Variants in ARID2 observed in about 807,000 individuals in gnomAD.
ARID2 encodes AT-rich interactive domain-containing protein 2.
ARID2 carries 32 observed loss-of-function variants against 184.6 expected under a neutral mutation model. The observed-to-expected ratio is 0.17, with a 90% CI of 0.13 to 0.23. The LOEUF is 0.23. Ranked by LOEUF, ARID2 falls within the 10% of genes least tolerant of loss-of-function variation. The probability of loss-of-function intolerance (pLI) is 1.00; values close to 1 mark genes in which losing one functional copy is unlikely to be tolerated. For missense variants in ARID2, 1,696 were observed against 2,197.6 expected, an observed-to-expected ratio of 0.77 and a Z score of 4.56; for synonymous variants, 836 against 772.6, an observed-to-expected ratio of 1.08 and a Z score of -1.36.
Position 45,850,884 on chromosome 12 carries a change from C to T in ARID2, c.2761C>T (p.Pro921Ser), listed in dbSNP as rs1272432698. Residue 921 changes from proline (P) to serine (S), a missense_variant, in exon 15 of 21, where the codon CCA (proline) becomes TCA (serine). Around this residue, in one of 11 missense-constraint regions of ARID2, gnomAD observed 713 missense variants for 824.4 expected, o/e 0.86. Coordinates refer to ENST00000334344, the MANE Select transcript of ARID2 (RefSeq NM_152641.4). ...VQQPIQQPQQ[P>S]TQQSVVIVSQ... is the part of the protein sequence containing the mutation. ...GCAGCCTATTCAACAACCACAGCAG[C>T]CAACCCAACAAAGCGTAGTGATTGT... 2 of 1,614,106 alleles carry T rather than the reference C, an allele frequency of 1.2e-6. No homozygotes were observed. Among genetic ancestry groups the T allele is most frequent in the Non-Finnish European group, 1.7e-6 (2 of 1,180,006 alleles).
At chr12:45,830,570 T>A (rs889490840) in intron 6 of ARID2, among the ~76,000 whole-genome samples, 4 of 152,084 alleles carry the variant, frequency 2.6e-5, no homozygotes, top group Non-Finnish European at 5.9e-5. Flanking sequence ...TGACCCAGGG[T>A]CCTATATTCT....
intron 16 of ARID2, among the ~76,000 whole-genome samples, chr12:45,876,573 A>G (rs1182568575): frequency 1.3e-5 from 2 of 151,884 alleles, no homozygotes; most frequent in Admixed American, 1.3e-4. Flanking sequence ...AAAAAGGAAA[A>G]AAAAAAAAAG....
intron 3 of ARID2, among the ~76,000 whole-genome samples, chr12:45,800,225 A>G (rs1028107488): frequency 5.3e-5 from 8 of 152,240 alleles, no homozygotes; most frequent in Non-Finnish European, 7.3e-5. Flanking sequence ...TTAAATAGAT[A>G]CAATAACGTG....
At chr12:45,765,355 C>T (rs781156169) in intron 3 of ARID2, among the ~76,000 whole-genome samples, 8 of 151,950 alleles carry the variant, frequency 5.3e-5, no homozygotes, top group Admixed American at 3.3e-4. Context: ...TGCAGGCACA[C>T]GCCACCAATC....
chr12:45,736,842 GGATCTCTA>G (rs1941135703), intron 3 of ARID2, among the ~76,000 whole-genome samples: 1 of 152,078 alleles, frequency 6.6e-6, no homozygotes, highest in Admixed American at 6.5e-5. Flanking sequence ...TGTGTATTGT[GGATCTCTA>G]GACATTTTGG....
intron 3 of ARID2, among the ~76,000 whole-genome samples, chr12:45,737,357 C>G (rs140147456): frequency 2.6e-5 from 4 of 151,884 alleles, no homozygotes; most frequent in African/African-American, 9.7e-5. Flanking sequence ...CCTCTCCCCC[C>G]GCCCTTTTTT....
Position 45,836,883 on chromosome 12 carries a change from C to G in ARID2, c.915C>G (p.Leu305=), listed in dbSNP as rs2138127685. 1 of 1,614,104 alleles carries G rather than the reference C, an allele frequency of 6.2e-7. No individual in the cohort carries two copies. The highest frequency in any genetic ancestry group is 8.5e-7 in the Non-Finnish European group (1 of 1,180,008). ...NLSFEEGNVK[L]LAANRTCLRF... is the part of the protein sequence containing the mutation. ...CCTTTGAGGAGGGCAATGTTAAGCT[C>G]TTGGCAGCTAATCGTACCTGTCTTC... Residue 305 remains leucine (L), a synonymous_variant, in exon 8 of 21, where the codon CTC becomes CTG. Coordinates refer to ENST00000334344, the MANE Select transcript of ARID2 (RefSeq NM_152641.4).
rs1256107093 is a variant in ARID2 at position 45,906,129 on chromosome 12, T to G, written c.*1051T>G. On this transcript the variant is annotated 3_prime_UTR_variant, in exon 21 of 21. Transcript: ENST00000334344. ...GTACAAGCTCAGAGCTTGGACAGAA[T>G]TTTTTGTATTTGTAAATTGGTTTAA... The G allele has an allele frequency of 4.3e-6, 1 of 232,626 alleles. No individual in the cohort carries two copies. Among genetic ancestry groups the G allele is most frequent in the East Asian group, 6.1e-5 (1 of 16,328 alleles). 14.4% of individuals were successfully genotyped at this position (232,626 alleles called of 1,614,324 possible).
At chr12:45,785,954 A>G (rs550337045) in intron 3 of ARID2, among the ~76,000 whole-genome samples, 1 of 152,324 alleles carries the variant, frequency 6.6e-6, no homozygotes, top group Admixed American at 6.5e-5. Context: ...ATTGTCTTCC[A>G]TGAAACCATT....
At chr12:45,895,695 G>A (rs116414851) in intron 20 of ARID2, among the ~76,000 whole-genome samples, 4,972 of 152,148 alleles carry the variant, frequency 0.033, 276 homozygotes, top group African/African-American at 0.11. Context: ...CCACTATGCC[G>A]AGCTAATTTT....
At chr12:45,835,824 C>T (rs764809690) in intron 6 of ARID2, among the ~76,000 whole-genome samples, 8 of 151,428 alleles carry the variant, frequency 5.3e-5, no homozygotes, top group South Asian at 2.1e-4. Context: ...CACTTGAACC[C>T]GGGAGGTGGA....
At chr12:45,820,882 A>G (rs181491982) in intron 5 of ARID2, among the ~76,000 whole-genome samples, 28 of 152,334 alleles carry the variant, frequency 1.8e-4, no homozygotes, top group African/African-American at 6.7e-4. Flanking sequence ...TTCAAAAGTC[A>G]TAAAGTTGTT....
intron 6 of ARID2, among the ~76,000 whole-genome samples, chr12:45,827,092 C>T (rs1170973039): frequency 1.3e-5 from 2 of 151,578 alleles, no homozygotes; most frequent in African/African-American, 4.8e-5. Context: ...ACATCCAGGC[C>T]CACAAGTATA....
intron 16 of ARID2, among the ~76,000 whole-genome samples, chr12:45,887,767 G>A (rs556217999): frequency 1.2e-4 from 18 of 152,254 alleles, no homozygotes; most frequent in East Asian, 9.7e-4. Flanking sequence ...CGAACTTCCC[G>A]AGGCTCCACC....
chr12:45,906,114 A>T lies in ARID2; in HGVS notation c.*1036A>T, dbSNP rs1385554090. ...GTAAACGTTTGTCGTGTACAAGCTC[A>T]GAGCTTGGACAGAATTTTTTGTATT... is the stretch of plus-strand genomic sequence containing the variant. On this transcript the variant is annotated 3_prime_UTR_variant, in exon 21 of 21. Coordinates refer to ENST00000334344, the MANE Select transcript of ARID2 (RefSeq NM_152641.4). The T allele has an allele frequency of 2.2e-4, 52 of 232,518 alleles. 1 individual carries two copies. Among genetic ancestry groups the T allele is most frequent in the Non-Finnish European group, 6.8e-5 (8 of 117,514 alleles). 14.4% of individuals were successfully genotyped at this position (232,518 alleles called of 1,614,324 possible).
At chr12:45,818,250 A>G (rs1942841284) in intron 5 of ARID2, among the ~76,000 whole-genome samples, 1 of 152,170 alleles carries the variant, frequency 6.6e-6, no homozygotes, top group African/African-American at 2.4e-5. Flanking sequence ...TAACTAAAAC[A>G]TTTTAGGTCA....
intron 20 of ARID2, among the ~76,000 whole-genome samples, chr12:45,899,696 TATATATATATATGG>T: frequency 9.8e-6 from 1 of 101,634 alleles, no homozygotes; most frequent in Admixed American, 8.6e-5. Flanking sequence ...TATATATGGT[TATATATATATATGG>T]TTATATATAT....
At chr12:45,764,514 T>G (rs900971199) in intron 3 of ARID2, among the ~76,000 whole-genome samples, 2 of 152,196 alleles carry the variant, frequency 1.3e-5, no homozygotes, top group Admixed American at 1.3e-4. Context: ...TCCCTTGTAG[T>G]CAGTCCAGCT....
intron 16 of ARID2, among the ~76,000 whole-genome samples, chr12:45,877,318 C>T (rs965251831): frequency 2.6e-5 from 4 of 151,918 alleles, no homozygotes; most frequent in Non-Finnish European, 2.9e-5. Flanking sequence ...AGATCAGTGG[C>T]GGCATTGGAT....
Sources: gnomAD v4.1 joint callset for allele counts (sites outside exome capture counted in the v4.1 genomes callset) on GRCh38, gnomAD v4.1.1 for gene constraint, gnomAD v4.1.1 regional missense constraint, MANE v1.5 for transcripts, NCBI Gene and HGNC (gene_info 2026-07-23, HGNC 2026-07-21) for gene names.